The following AK3 variants were observed in gnomAD, a reference collection of about 807,000 sequenced individuals.
AK3 encodes the protein GTP:AMP phosphotransferase AK3, mitochondrial.
Under a neutral mutation model 23.7 loss-of-function variants are expected in AK3, and 27 were observed. The ratio of observed to expected loss-of-function variants is 1.14; its 90% confidence interval spans 0.84 to 1.57. The LOEUF (loss-of-function observed/expected upper bound fraction) is 1.57, where lower values mean the gene tolerates loss of function less well. Ranked by LOEUF, AK3 falls within the 40% of genes most tolerant of loss-of-function variation. AK3 has a pLI of 0.00. For missense variants in AK3, 406 were observed against 285.6 expected (o/e 1.42, Z -3.04); for synonymous variants, 159 against 116.0 (o/e 1.37, Z -2.38).
intron 1 of AK3, among the ~76,000 whole-genome samples, chr9:4,737,490 G>T (rs1281478368): frequency 6.6e-6 from 1 of 152,178 alleles, no homozygotes; most frequent in Non-Finnish European, 1.5e-5. Context: ...AGAGGCCAAG[G>T]CGGTTGGATC....
rs1483067199 is a variant in AK3, at chr9:4,712,683, G to A, written c.*293C>T. On this transcript the variant is annotated 3_prime_UTR_variant, in exon 5 of 5. Transcript: ENST00000381809. ...CACTTATTAACTGAACAAAAAGTTA[G>A]ATTACTACCAAATGCTCTTTTAATT... 6 of 191,638 alleles carry A rather than the reference G, an allele frequency of 3.1e-5. No homozygotes were observed. Among genetic ancestry groups the A allele is most frequent in the Non-Finnish European group, 5.3e-5 (5 of 94,814 alleles). The allele number at this position is 191,638 out of a possible 1,614,324, so 11.9% of individuals were successfully genotyped here. A position where few individuals can be genotyped will look rare whatever the true frequency, so the allele number is the denominator to read the frequency against.
chr9:4,728,234 A>C (rs1210915959), intron 1 of AK3, among the ~76,000 whole-genome samples: 1 of 152,256 alleles, frequency 6.6e-6, no homozygotes, highest in Non-Finnish European at 1.5e-5. Flanking sequence ...GTAAAAAAAG[A>C]TACAGTACCT....
intron 1 of AK3, among the ~76,000 whole-genome samples, chr9:4,725,710 C>A (rs1200021803): frequency 6.6e-6 from 1 of 152,168 alleles, no homozygotes; most frequent in Non-Finnish European, 1.5e-5. Context: ...TCTAGAATAT[C>A]TAAAGAACTC....
intron 1 of AK3, among the ~76,000 whole-genome samples, chr9:4,732,282 T>C (rs899380954): frequency 3.9e-5 from 6 of 152,306 alleles, no homozygotes; most frequent in Admixed American, 3.9e-4. Flanking sequence ...TTCTCTCACT[T>C]GGTTTATTAT....
chr9:4,728,866 T>TATATACAC (rs1395790351), intron 1 of AK3, among the ~76,000 whole-genome samples: 26 of 87,880 alleles, frequency 3.0e-4, no homozygotes, highest in South Asian at 4.0e-4. Flanking sequence ...TATATATATA[T>TATATACAC]ACACACACAC....
At chr9:4,735,328 T>A (rs536044165) in intron 1 of AK3, among the ~76,000 whole-genome samples, 133 of 100,492 alleles carry the variant, frequency 1.3e-3, no homozygotes, top group Admixed American at 1.7e-3. Context: ...TATATACATA[T>A]ATAAATATAT....
chr9:4,714,883 G>C (rs1563781892), intron 4 of AK3, among the ~76,000 whole-genome samples: 1 of 152,082 alleles, frequency 6.6e-6, no homozygotes, highest in Non-Finnish European at 1.5e-5. Flanking sequence ...TCAGTTTTTA[G>C]TCAAGTCTCG....
chr9:4,718,298 A>G (rs1841791532), intron 4 of AK3, 121 bp downstream of exon 4: 1 of 736,752 alleles, frequency 1.4e-6, no homozygotes, highest in Admixed American at 2.1e-5. Flanking sequence ...TTCCTTTATT[A>G]CTTAAGCCCA....
intron 1 of AK3, among the ~76,000 whole-genome samples, chr9:4,733,155 T>G (rs1842193947): frequency 6.6e-6 from 1 of 152,128 alleles, no homozygotes; most frequent in African/African-American, 2.4e-5. Context: ...CCAGCAGTTC[T>G]CTTTCACATG....
At chr9:4,732,286 TTATTA>T (rs995489852) in intron 1 of AK3, among the ~76,000 whole-genome samples, 71 of 152,262 alleles carry the variant, frequency 4.7e-4, no homozygotes, top group African/African-American at 1.6e-3. Context: ...CTCACTTGGT[TTATTA>T]TAAGAATACA....
rs1053911427 is a variant in AK3 at position 4,710,006 on chromosome 9, T to C, written c.*2970A>G. On this transcript the variant is annotated 3_prime_UTR_variant, in exon 5 of 5. Coordinates refer to ENST00000381809, the MANE Select transcript of AK3 (RefSeq NM_016282.4). ...CCAAAATATCTTGCTAGAATGCCAT[T>C]ATATATAGCTGGGGGAAAAGTAGCC... 3.3e-5 allele frequency: 5 copies of C among 152,154 alleles called. No homozygotes were observed. Among genetic ancestry groups the C allele is most frequent in the African/African-American group, 4.8e-5 (2 of 41,422 alleles). 9.4% of individuals were successfully genotyped at this position (152,154 alleles called of 1,614,324 possible). A position where few individuals can be genotyped will look rare whatever the true frequency, so the allele number is the denominator to read the frequency against.
chr9:4,720,146 T>C (rs544735116), intron 2 of AK3, among the ~76,000 whole-genome samples: 2 of 152,178 alleles, frequency 1.3e-5, no homozygotes, highest in East Asian at 1.9e-4. Flanking sequence ...AAACTATTAA[T>C]GCAAAAGGAT....
intron 1 of AK3, among the ~76,000 whole-genome samples, chr9:4,740,319 G>T (rs1466045627): frequency 6.6e-6 from 1 of 152,064 alleles, no homozygotes; most frequent in Admixed American, 6.6e-5. Flanking sequence ...AATTTATTTG[G>T]CATGAGAAAC....
chr9:4,719,123 A>G lies in AK3; in HGVS notation c.444+12T>C. 1.2e-6 allele frequency: 2 copies of G among 1,611,756 alleles called. No individual in the cohort carries two copies. The highest frequency in any genetic ancestry group is 1.7e-6 in the Non-Finnish European group (2 of 1,179,760). On this transcript the variant is annotated intron_variant, in intron 3 of 4. Transcript: ENST00000381809. ...CAGTCTGCTATGTGACAGTTCCACA[A>G]CAACTACTCACCACAGTTTTGGGAG... is the stretch of plus-strand genomic sequence containing the variant.
chr9:4,725,019 CTCTTT>C (rs1388482743), intron 1 of AK3, among the ~76,000 whole-genome samples: 5 of 53,288 alleles, frequency 9.4e-5, no homozygotes, highest in East Asian at 2.8e-3. Context: ...AGCTACTAAA[CTCTTT>C]TTTTTTTTTT....
At chr9:4,735,320 T>TAC (rs1403635645) in intron 1 of AK3, among the ~76,000 whole-genome samples, 1 of 110,372 alleles carries the variant, frequency 9.1e-6, no homozygotes, top group African/African-American at 3.5e-5. Flanking sequence ...TAAATATATA[T>TAC]ATACATATAT....
chr9:4,718,685 A>C, intron 3 of AK3, 148 bp from the exon 4 acceptor site: 1 of 624,648 alleles, frequency 1.6e-6, no homozygotes, highest in Non-Finnish European at 2.8e-6. Context: ...ATCCAACCTC[A>C]AAAGAGATCA....
In AK3 at chr9:4,740,190, GA is replaced by G. The variant is rs1338035589; in HGVS notation, c.151+746del. ...GAAAAGTAAGGTCAACATTTTTTGAGAAAAAAACTCCTGCGATTGGCTTTTC... is the reference window on the plus strand; with the variant it reads ...GAAAAGTAAGGTCAACATTTTTTGAGAAAAAACTCCTGCGATTGGCTTTTC... On this transcript the variant is annotated intron_variant, in intron 1 of 4. Coordinates refer to ENST00000381809, the MANE Select transcript of AK3 (RefSeq NM_016282.4). Among the ~76,000 whole-genome samples the G allele has an allele frequency of 5.3e-5, 8 of 151,840 alleles. No individual in the cohort carries two copies. In the East Asian group the frequency reaches 1.2e-3, roughly 22 times the overall value.
intron 1 of AK3, among the ~76,000 whole-genome samples, chr9:4,735,503 A>C (rs1192583581): frequency 5.4e-5 from 5 of 92,592 alleles, no homozygotes; most frequent in Non-Finnish European, 1.2e-4. Flanking sequence ...TTGGAAACAG[A>C]GTCTCACTGT....
Sources: allele counts gnomAD v4.1 joint callset (sites outside exome capture counted in the v4.1 genomes callset), GRCh38; gene constraint gnomAD v4.1.1; transcripts MANE v1.5; gene names NCBI Gene and HGNC (gene_info 2026-07-23, HGNC 2026-07-21).